The following ITPR2 variants were observed in gnomAD, a reference collection of about 807,000 sequenced individuals.
ITPR2 encodes inositol 1,4,5-trisphosphate receptor type 2.
In ITPR2, 207 loss-of-function variants were observed where a neutral mutation model predicts 317.1. The observed-to-expected ratio is 0.65, with a 90% CI of 0.58 to 0.73. ITPR2 has a LOEUF of 0.73. Ranked by LOEUF, ITPR2 falls within the 30% of genes least tolerant of loss-of-function variation. The pLI is 0.00. For missense variants in ITPR2, 2,613 were observed against 3,284.0 expected (o/e 0.80, Z 4.99); for synonymous variants, 1,156 against 1,149.1 (o/e 1.01, Z -0.12).
chr12:26,406,676 A>G (rs1591996018), intron 52 of ITPR2: 1 of 152,140 alleles, frequency 6.6e-6, no homozygotes, highest in South Asian at 2.1e-4. Context: ...AGGGTTTGCA[A>G]GTTAAAATTT....
chr12:26,365,804 G>A (rs1395262098), intron 55 of ITPR2, among the ~76,000 whole-genome samples: 3 of 152,216 alleles, frequency 2.0e-5, no homozygotes, highest in Non-Finnish European at 4.4e-5. Context: ...AAAAGCCAAT[G>A]AGCGTGCAAA....
chr12:26,534,154 T>C (rs1944020613), intron 37 of ITPR2, among the ~76,000 whole-genome samples: 1 of 152,220 alleles, frequency 6.6e-6, no homozygotes, highest in Admixed American at 6.5e-5. Flanking sequence ...GCTCCTCAGC[T>C]CCTGGCTCTG....
rs1375659 is a variant in ITPR2 at position 26,705,578 on chromosome 12, C to T, written c.951+5595G>A. Among the ~76,000 whole-genome samples, 4 of 152,272 alleles carry T rather than the reference C, an allele frequency of 2.6e-5. No homozygotes were observed. In the South Asian group the frequency reaches 6.2e-4, roughly 24 times the overall value. ...ACTGGTCAATCCCCAAACTTCCAGACGTTTTGAAATCTTCCCTAGTGGACA... is the reference window on the plus strand; with the variant it reads ...ACTGGTCAATCCCCAAACTTCCAGATGTTTTGAAATCTTCCCTAGTGGACA... On this transcript the variant is annotated intron_variant, in intron 9 of 56. Coordinates refer to ENST00000381340, the MANE Select transcript of ITPR2 (RefSeq NM_002223.4).
At chr12:26,475,150 G>A in intron 45 of ITPR2, 146 bp downstream of exon 45, 1 of 828,286 alleles carries the variant, frequency 1.2e-6, no homozygotes, top group Non-Finnish European at 1.9e-6. Flanking sequence ...AGGCATTCTG[G>A]GAGGCTGTTC....
chr12:26,555,941 A>G (rs1438048506), intron 36 of ITPR2, among the ~76,000 whole-genome samples: 3 of 152,238 alleles, frequency 2.0e-5, no homozygotes, highest in African/African-American at 2.4e-5. Flanking sequence ...GTCACACCAT[A>G]TAATTATGGA....
At chr12:26,484,199 T>C (rs1348010397) in intron 41 of ITPR2, among the ~76,000 whole-genome samples, 2 of 140,672 alleles carry the variant, frequency 1.4e-5, no homozygotes, top group Non-Finnish European at 3.3e-5. Flanking sequence ...AGATAGTTCA[T>C]AATAAACATT....
intron 9 of ITPR2, among the ~76,000 whole-genome samples, chr12:26,706,613 C>A (rs1948557645): frequency 6.6e-6 from 1 of 152,078 alleles, no homozygotes; most frequent in African/African-American, 2.4e-5. Context: ...TCCTTGAGAC[C>A]CCCTGAGAAA....
intron 21 of ITPR2, among the ~76,000 whole-genome samples, chr12:26,653,370 T>C (rs1030694097): frequency 6.6e-6 from 1 of 150,960 alleles, no homozygotes; most frequent in Non-Finnish European, 1.5e-5. Context: ...GCCTCCCGAG[T>C]AGCTGGAATT....
chr12:26,784,312 T>TG lies in ITPR2; in HGVS notation c.163+5844_163+5845insC, dbSNP rs1565762429. ...CTCCCTCTCCCTCTCCCTCTCCCTC[T>TG]CCCTCTGCCTCTCCCTCTCCCTCTC... On this transcript the variant is annotated intron_variant, in intron 2 of 56. Coordinates refer to ENST00000381340, the MANE Select transcript of ITPR2 (RefSeq NM_002223.4). Among the ~76,000 whole-genome samples the TG allele has an allele frequency of 2.4e-4, 8 of 33,802 alleles. No homozygotes were observed. In the East Asian group the frequency reaches 3.0e-3, roughly 13 times the overall value. 22.2% of individuals were successfully genotyped at this position (33,802 alleles called of 152,430 possible).
At chr12:26,638,743 A>G (rs1304135152) in intron 21 of ITPR2, among the ~76,000 whole-genome samples, 2 of 152,214 alleles carry the variant, frequency 1.3e-5, no homozygotes, top group Non-Finnish European at 2.9e-5. Flanking sequence ...AACATGAAAC[A>G]AGGGAGGATG....
intron 55 of ITPR2, among the ~76,000 whole-genome samples, chr12:26,342,495 G>C (rs1179837527): frequency 2.0e-3 from 18 of 9,060 alleles, no homozygotes; most frequent in African/African-American, 4.4e-3. Flanking sequence ...GGGTCACGGC[G>C]GTGGGGGGGG....
chr12:26,399,107 G>C, intron 53 of ITPR2, 66 bp from the exon 54 acceptor site: 6 of 1,109,862 alleles, frequency 5.4e-6, no homozygotes, highest in Non-Finnish European at 7.3e-6. Context: ...CTAGCATAGA[G>C]AGTATATTCA....
At chr12:26,597,504 A>G (rs1945877190) in intron 30 of ITPR2, among the ~76,000 whole-genome samples, 1 of 152,210 alleles carries the variant, frequency 6.6e-6, no homozygotes, top group African/African-American at 2.4e-5. Context: ...TAATTTTACT[A>G]AAGCAGAGTA....
chr12:26,651,377 C>A (rs1307152559), intron 21 of ITPR2, among the ~76,000 whole-genome samples: 2 of 152,168 alleles, frequency 1.3e-5, no homozygotes, highest in Non-Finnish European at 2.9e-5. Context: ...CTCTCTTTGA[C>A]ACCTTATAAT....
chr12:26,803,607 A>G (rs1950596312), intron 1 of ITPR2, among the ~76,000 whole-genome samples: 1 of 152,212 alleles, frequency 6.6e-6, no homozygotes, highest in African/African-American at 2.4e-5. Flanking sequence ...TAATCCAGTT[A>G]GTAAGAGCTC....
chr12:26,552,931 A>G (rs1298294163), intron 36 of ITPR2, among the ~76,000 whole-genome samples: 1 of 152,224 alleles, frequency 6.6e-6, no homozygotes, highest in Non-Finnish European at 1.5e-5. Context: ...GATTTATAAA[A>G]GGTATTCAAA....
chr12:26,487,637 G>GTTAATA (rs943935168), intron 39 of ITPR2, among the ~76,000 whole-genome samples: 6 of 152,144 alleles, frequency 3.9e-5, no homozygotes, highest in Non-Finnish European at 8.8e-5. Flanking sequence ...CAAGCCCTCT[G>GTTAATA]TTAATAGGGA....
intron 2 of ITPR2, among the ~76,000 whole-genome samples, chr12:26,771,573 G>A (rs903513353): frequency 1.3e-5 from 2 of 152,140 alleles, no homozygotes; most frequent in Admixed American, 6.5e-5. Flanking sequence ...GGAGTGCAGC[G>A]GTGCGATCTC....
At chr12:26,605,777 A>G (rs1946116167) in intron 26 of ITPR2, among the ~76,000 whole-genome samples, 1 of 152,224 alleles carries the variant, frequency 6.6e-6, no homozygotes, top group South Asian at 2.1e-4. Context: ...AATTGCTAGC[A>G]GTCAACAAAA....
Sources: allele counts gnomAD v4.1 joint callset (sites outside exome capture counted in the v4.1 genomes callset), GRCh38; gene constraint gnomAD v4.1.1; transcripts MANE v1.5; gene names NCBI Gene and HGNC (gene_info 2026-07-23, HGNC 2026-07-21).